Variants in AKAP19 observed in about 807,000 individuals in gnomAD.
AKAP19 encodes A-kinase anchoring protein 19, also known as small A-kinase anchoring protein.
At chr2:189,964,484 G>A in the AKAP19 span, among the ~76,000 whole-genome samples, 1 of 152,186 alleles carries the variant, frequency 6.6e-6, no homozygotes, top group African/African-American at 2.4e-5. Context: ...TCCAAGCACT[G>A]ACTTCGCTTC....
chr2:190,171,032 T>C, the AKAP19 span, among the ~76,000 whole-genome samples: 2 of 152,314 alleles, frequency 1.3e-5, no homozygotes, highest in East Asian at 3.9e-4. Flanking sequence ...CTGTCTTTAA[T>C]TGGTGGCTAG....
chr2:190,006,565 G>A, the AKAP19 span, among the ~76,000 whole-genome samples: 1 of 150,928 alleles, frequency 6.6e-6, no homozygotes, highest in African/African-American at 2.4e-5. Flanking sequence ...CGTTAACCCA[G>A]GAGGCAGAGC....
the AKAP19 span, among the ~76,000 whole-genome samples, chr2:189,928,231 T>C: frequency 2.6e-5 from 4 of 152,164 alleles, no homozygotes; most frequent in Admixed American, 2.6e-4. Context: ...CAGAAATGCA[T>C]TTGTGTCTTT....
the AKAP19 span, chr2:190,137,975 G>T: frequency 4.5e-4 from 5 of 11,002 alleles, no homozygotes; most frequent in South Asian, 0.027. Flanking sequence ...TAACTATAAT[G>T]GAATATATGT....
the AKAP19 span, among the ~76,000 whole-genome samples, chr2:190,020,546 T>C: frequency 6.6e-6 from 1 of 152,228 alleles, no homozygotes; most frequent in East Asian, 1.9e-4. Flanking sequence ...CCTACTGAAT[T>C]GAGATATCAC....
the AKAP19 span, among the ~76,000 whole-genome samples, chr2:190,026,491 G>A: frequency 6.5e-3 from 990 of 152,244 alleles, 7 homozygotes; most frequent in Middle Eastern, 0.027. Flanking sequence ...GGTGGGAGAA[G>A]CATATAGGAA....
chr2:190,046,945 C>T, the AKAP19 span, among the ~76,000 whole-genome samples: 2 of 152,020 alleles, frequency 1.3e-5, no homozygotes, highest in African/African-American at 4.8e-5. Context: ...ATAGGCTTCA[C>T]CAGATTTTAA....
chr2:189,970,028 G>A, the AKAP19 span, among the ~76,000 whole-genome samples: 2 of 151,340 alleles, frequency 1.3e-5, no homozygotes, highest in South Asian at 2.1e-4. Flanking sequence ...GTGCATACAC[G>A]GCTAATTTTT....
chr2:190,195,422 C>T, the AKAP19 span, among the ~76,000 whole-genome samples: 1 of 152,202 alleles, frequency 6.6e-6, no homozygotes, highest in Non-Finnish European at 1.5e-5. Flanking sequence ...GTAACCGTAC[C>T]ATTTTGCATT....
At chr2:189,897,060 G>A in the AKAP19 span, among the ~76,000 whole-genome samples, 1 of 152,036 alleles carries the variant, frequency 6.6e-6, no homozygotes, top group Non-Finnish European at 1.5e-5. Flanking sequence ...ACTTTTCAAT[G>A]AATGTACTTC....
chr2:189,921,144 A>G, the AKAP19 span, among the ~76,000 whole-genome samples: 1 of 152,188 alleles, frequency 6.6e-6, no homozygotes, highest in African/African-American at 2.4e-5. Context: ...AAAGCTTTAT[A>G]TTTACTATTT....
the AKAP19 span, among the ~76,000 whole-genome samples, chr2:190,137,411 A>C: frequency 6.6e-6 from 1 of 152,222 alleles, no homozygotes. Context: ...AGTAAGTTTC[A>C]GCTCTATTAT....
the AKAP19 span, among the ~76,000 whole-genome samples, chr2:190,143,032 C>T: frequency 2.0e-5 from 3 of 152,030 alleles, no homozygotes; most frequent in East Asian, 5.8e-4. Context: ...GTTCTTGGAA[C>T]TGTCATGGCA....
chr2:190,035,799 A>G, the AKAP19 span, among the ~76,000 whole-genome samples: 1 of 152,242 alleles, frequency 6.6e-6, no homozygotes, highest in East Asian at 1.9e-4. Context: ...TGGATGTACC[A>G]CAATTCATTT....
At chr2:190,192,476 G>GTA in the AKAP19 span, among the ~76,000 whole-genome samples, 3 of 145,408 alleles carry the variant, frequency 2.1e-5, no homozygotes, top group South Asian at 6.5e-4. Context: ...GTGTGTGTGT[G>GTA]TGTGTGTGTG....
chr2:190,046,234 C>G, the AKAP19 span, among the ~76,000 whole-genome samples: 1 of 152,102 alleles, frequency 6.6e-6, no homozygotes, highest in Non-Finnish European at 1.5e-5. Flanking sequence ...TCTAGTCAGC[C>G]ATCTTGGCCA....
chr2:190,021,263 T>C, the AKAP19 span, among the ~76,000 whole-genome samples: 6 of 152,362 alleles, frequency 3.9e-5, no homozygotes, highest in East Asian at 5.8e-4. Context: ...TAGATGCTTA[T>C]TGCTATTACA....
At chr2:189,977,164 C>A in the AKAP19 span, among the ~76,000 whole-genome samples, 1 of 152,152 alleles carries the variant, frequency 6.6e-6, no homozygotes, top group African/African-American at 2.4e-5. Context: ...TGCTTTTTAT[C>A]CCACATTAGT....
At chr2:190,006,696 A>T in the AKAP19 span, among the ~76,000 whole-genome samples, 29 of 149,538 alleles carry the variant, frequency 1.9e-4, no homozygotes, top group African/African-American at 6.4e-4. Context: ...CATTGGTGCA[A>T]TGTAGTATGA....
Sources: allele counts gnomAD v4.1 joint callset (sites outside exome capture counted in the v4.1 genomes callset), GRCh38; gene constraint gnomAD v4.1.1; transcripts MANE v1.5; gene names NCBI Gene and HGNC (gene_info 2026-07-23, HGNC 2026-07-21).